Variants in PRMT8 observed in about 807,000 individuals in gnomAD.
The protein encoded by PRMT8 is protein arginine N-methyltransferase 8.
Under a neutral mutation model 47.1 loss-of-function variants are expected in PRMT8, and 7 were observed. The ratio of observed to expected loss-of-function variants is 0.15; its 90% confidence interval spans 0.08 to 0.28. PRMT8 has a LOEUF of 0.28. Ranked by LOEUF, PRMT8 falls within the 10% of genes least tolerant of loss-of-function variation. The pLI, the probability that PRMT8 is intolerant of heterozygous loss-of-function variation, is 1.00. For synonymous variants in PRMT8, 188 were observed against 186.5 expected (o/e 1.01, Z -0.07); for missense variants, 237 against 505.4 (o/e 0.47, Z 5.09).
At chr12:3,544,540 T>C (rs1418128850) in intron 2 of PRMT8, among the ~76,000 whole-genome samples, 2 of 152,154 alleles carry the variant, frequency 1.3e-5, no homozygotes, top group Non-Finnish European at 2.9e-5. Flanking sequence ...GCATAAAACC[T>C]ACAGAAGTGG....
intron 4 of PRMT8, among the ~76,000 whole-genome samples, chr12:3,559,357 A>C (rs1453460616): frequency 6.6e-6 from 1 of 152,152 alleles, no homozygotes; most frequent in African/African-American, 2.4e-5. Context: ...GGACCACAGC[A>C]TTTAGAAACT....
chr12:3,525,225 A>T (rs1565431002), intron 1 of PRMT8, among the ~76,000 whole-genome samples: 1 of 152,152 alleles, frequency 6.6e-6, no homozygotes. Flanking sequence ...CTGTCTCAAA[A>T]AAAAAGAGAA....
chr12:3,396,270 T>A (rs568131255), intron 1 of PRMT8, among the ~76,000 whole-genome samples: 1 of 152,096 alleles, frequency 6.6e-6, no homozygotes, highest in Admixed American at 6.5e-5. Context: ...GTTAGCTGGT[T>A]ATTTTGCTGG....
chr12:3,588,538 G>T (rs190217287), intron 8 of PRMT8, among the ~76,000 whole-genome samples: 1 of 152,268 alleles, frequency 6.6e-6, no homozygotes, highest in East Asian at 1.9e-4. Context: ...TTCTCACTGA[G>T]GCTGTATGAT....
chr12:3,457,862 TTTTTA>T (rs1407679282), intron 1 of PRMT8, among the ~76,000 whole-genome samples: 5 of 84,322 alleles, frequency 5.9e-5, no homozygotes, highest in Admixed American at 3.9e-4. Context: ...TTTTTTTTTT[TTTTTA>T]AGACAGCGTT....
chr12:3,400,486 A>T (rs1170748469), intron 1 of PRMT8, among the ~76,000 whole-genome samples: 1 of 152,226 alleles, frequency 6.6e-6, no homozygotes, highest in East Asian at 1.9e-4. Context: ...GAAAAGACCA[A>T]TCAGGAGTTC....
chr12:3,505,047 G>T (rs541154351), intron 1 of PRMT8, among the ~76,000 whole-genome samples: 7 of 137,522 alleles, frequency 5.1e-5, no homozygotes, highest in East Asian at 2.2e-4. Flanking sequence ...GCAATGCCTC[G>T]CCCTGCTTCG....
chr12:3,559,178 T>C (rs1866587572), intron 4 of PRMT8, among the ~76,000 whole-genome samples: 1 of 152,172 alleles, frequency 6.6e-6, no homozygotes, highest in Non-Finnish European at 1.5e-5. Flanking sequence ...ACTCAAATTG[T>C]CCCTGATTTG....
chr12:3,435,779 C>G (rs1406434527), intron 1 of PRMT8, among the ~76,000 whole-genome samples: 7 of 152,144 alleles, frequency 4.6e-5, no homozygotes, highest in Admixed American at 4.6e-4. Flanking sequence ...CTCGGCCTCC[C>G]AGAGTGCTGG....
intron 7 of PRMT8, among the ~76,000 whole-genome samples, chr12:3,582,467 G>C (rs544233861): frequency 2.7e-4 from 41 of 152,314 alleles, no homozygotes; most frequent in African/African-American, 9.6e-4. Context: ...GTGGGCTCAG[G>C]TCCTTACTCC....
chr12:3,489,837 G>GCACA (rs756155624), upstream of PRMT8, among the ~76,000 whole-genome samples: 66 of 137,320 alleles, frequency 4.8e-4, no homozygotes, highest in African/African-American at 1.9e-3. Flanking sequence ...ACACACACGC[G>GCACA]CGCACACACA....
intron 1 of PRMT8, among the ~76,000 whole-genome samples, chr12:3,444,692 G>A (rs534360004): frequency 2.4e-4 from 37 of 152,244 alleles, no homozygotes; most frequent in Non-Finnish European, 4.6e-4. Context: ...AAGAGAATCT[G>A]TACAGGCCAC....
intron 9 of PRMT8, among the ~76,000 whole-genome samples, chr12:3,592,661 G>A (rs1230305923): frequency 1.3e-5 from 2 of 152,150 alleles, no homozygotes; most frequent in Non-Finnish European, 2.9e-5. Flanking sequence ...TAAGAGCTGG[G>A]CCAGGAGATA....
At chr12:3,431,001 G>T (rs1215212451) in intron 1 of PRMT8, among the ~76,000 whole-genome samples, 3 of 152,172 alleles carry the variant, frequency 2.0e-5, no homozygotes, top group Non-Finnish European at 4.4e-5. Context: ...AGGTGAGGCT[G>T]TTCGACTCTG....
chr12:3,495,738 T>C lies in PRMT8; in HGVS notation c.75+4038T>C, dbSNP rs181237864. Among the ~76,000 whole-genome samples, 32 of 152,318 alleles carry C rather than the reference T, an allele frequency of 2.1e-4. No homozygotes were observed. The East Asian group carries it at 6.0e-3, about 28-fold the overall frequency. On this transcript the variant is annotated intron_variant, in intron 1 of 9. Coordinates refer to ENST00000382622, the MANE Select transcript of PRMT8 (RefSeq NM_019854.5). ...TAAATGTTGACTGAATTGATGTATG[T>C]GATTGTGAACAAACTCTTGAGCCTA...
chr12:3,447,638 A>C (rs957589098), intron 1 of PRMT8, among the ~76,000 whole-genome samples: 3 of 151,472 alleles, frequency 2.0e-5, no homozygotes, highest in Non-Finnish European at 4.4e-5. Context: ...CCGTGCATCC[A>C]CCCCGCTTCT....
At chr12:3,523,782 A>G (rs1256561994) in intron 1 of PRMT8, among the ~76,000 whole-genome samples, 2 of 152,238 alleles carry the variant, frequency 1.3e-5, no homozygotes, top group Admixed American at 1.3e-4. Context: ...GACTTACAAA[A>G]GCCTATCATT....
rs1867362759 is a variant in PRMT8 at position 3,593,637 on chromosome 12, T to A, written c.*455T>A. The A allele has an allele frequency of 4.9e-6, 1 of 202,398 alleles. No individual in the cohort carries two copies. Among genetic ancestry groups the A allele is most frequent in the Non-Finnish European group, 9.9e-6 (1 of 101,070 alleles). 12.5% of individuals were successfully genotyped at this position (202,398 alleles called of 1,614,324 possible). ...GTGTGCGTGTGCGTGCATGTGTGAA[T>A]GTGAGCAGCATAGTTGATATTTACC... On this transcript the variant is annotated 3_prime_UTR_variant, in exon 10 of 10. Transcript: ENST00000382622. This position sits in a 1 kb window ranked among gnomAD's most constrained non-coding sequence, Gnocchi z 4.8.
chr12:3,545,973 A>G (rs1866322051), intron 2 of PRMT8, among the ~76,000 whole-genome samples: 1 of 152,240 alleles, frequency 6.6e-6, no homozygotes, highest in Non-Finnish European at 1.5e-5. Flanking sequence ...GTCACAAAAC[A>G]AAGATTAAAG....
Sources: allele counts gnomAD v4.1 joint callset (sites outside exome capture counted in the v4.1 genomes callset), GRCh38; gene constraint gnomAD v4.1.1; non-coding constraint Gnocchi (gnomAD v3.1); transcripts MANE v1.5; gene names NCBI Gene and HGNC (gene_info 2026-07-23, HGNC 2026-07-21).